The following COL23A1 variants were observed in gnomAD, a reference collection of about 807,000 sequenced individuals.
COL23A1 encodes the protein collagen alpha-1(XXIII) chain.
A neutral mutation model predicts 99.3 loss-of-function variants in COL23A1; 97 were observed. The observed-to-expected ratio is 0.98, with a 90% CI of 0.83 to 1.16. COL23A1 has a LOEUF of 1.16. COL23A1 is among the 50% of genes most tolerant of loss of function. The pLI is 0.00. For synonymous variants in COL23A1, 320 were observed against 308.2 expected, an observed-to-expected ratio of 1.04 and a Z score of -0.40; for missense variants, 762 against 757.4, an observed-to-expected ratio of 1.01 and a Z score of -0.07.
chr5:178,454,559 T>C (rs1235683808), intron 2 of COL23A1, among the ~76,000 whole-genome samples: 2 of 152,176 alleles, frequency 1.3e-5, no homozygotes, highest in African/African-American at 2.4e-5. Context: ...TGGGCCTCAG[T>C]TGCCTCGCCT....
At chr5:178,473,240 T>C (rs954108504) in intron 2 of COL23A1, among the ~76,000 whole-genome samples, 13 of 152,098 alleles carry the variant, frequency 8.5e-5, no homozygotes, top group Non-Finnish European at 1.8e-4. Context: ...TTATAAGTAA[T>C]CTAGAGACTT....
intron 1 of COL23A1, among the ~76,000 whole-genome samples, chr5:178,563,128 C>G (rs1183519964): frequency 2.6e-5 from 4 of 152,194 alleles, no homozygotes; most frequent in Non-Finnish European, 5.9e-5. Flanking sequence ...ATCATCACTG[C>G]ACTCCCCAGC....
At chr5:178,325,539 G>C (rs997076325) in intron 2 of COL23A1, among the ~76,000 whole-genome samples, 3 of 151,542 alleles carry the variant, frequency 2.0e-5, no homozygotes, top group Non-Finnish European at 4.4e-5. Flanking sequence ...TACCCAGCTA[G>C]GACATGGACT....
chr5:178,585,169 C>G (rs1763862989), intron 1 of COL23A1, among the ~76,000 whole-genome samples: 1 of 152,124 alleles, frequency 6.6e-6, no homozygotes, highest in Non-Finnish European at 1.5e-5. Flanking sequence ...TGGGAAACAC[C>G]AAAGCAGAAG....
chr5:178,302,885 A>C (rs185591275), intron 3 of COL23A1, among the ~76,000 whole-genome samples: 45 of 152,348 alleles, frequency 3.0e-4, no homozygotes, highest in Non-Finnish European at 6.3e-4. Context: ...GCTGCCAGAC[A>C]AGTCAAATAG....
chr5:178,484,008 G>A (rs578018012), intron 2 of COL23A1, among the ~76,000 whole-genome samples: 3 of 152,150 alleles, frequency 2.0e-5, no homozygotes, highest in African/African-American at 7.2e-5. Context: ...CATGATCTCG[G>A]CTCTCTGCAA....
intron 2 of COL23A1, chr5:178,351,919 T>A (rs1287611532): frequency 6.6e-6 from 1 of 152,154 alleles, no homozygotes; most frequent in African/African-American, 2.4e-5. Flanking sequence ...CTTTGCCAGG[T>A]AAGAAAACAG....
chr5:178,289,745 A>G (rs1757353738), intron 4 of COL23A1, among the ~76,000 whole-genome samples: 1 of 152,150 alleles, frequency 6.6e-6, no homozygotes, highest in South Asian at 2.1e-4. Flanking sequence ...CCGTGTACCA[A>G]GGTGAGCCCA....
At chr5:178,323,200 G>A (rs1212233141) in intron 2 of COL23A1, among the ~76,000 whole-genome samples, 2 of 152,158 alleles carry the variant, frequency 1.3e-5, no homozygotes, top group African/African-American at 4.8e-5. Flanking sequence ...ACCATGCCCT[G>A]TGGTCCTGGA....
At chr5:178,448,502 A>G (rs907374964) in intron 2 of COL23A1, among the ~76,000 whole-genome samples, 2 of 152,222 alleles carry the variant, frequency 1.3e-5, no homozygotes, top group Non-Finnish European at 2.9e-5. Context: ...AGGAACAGAA[A>G]TTTATTTGGC....
At chr5:178,517,577 T>TTTTTTTTTTTTTTTG (rs1759605005) in intron 2 of COL23A1, among the ~76,000 whole-genome samples, 1 of 144,584 alleles carries the variant, frequency 6.9e-6, no homozygotes, top group African/African-American at 2.6e-5. Context: ...TGTTTTTTTT[T>TTTTTTTTTTTTTTTG]TTGAGATGGA....
At chr5:178,295,160 C>T (rs1310854537) in intron 3 of COL23A1, among the ~76,000 whole-genome samples, 1 of 152,168 alleles carries the variant, frequency 6.6e-6, no homozygotes, top group Non-Finnish European at 1.5e-5. Flanking sequence ...ACCCCGGCCT[C>T]GGTGACAGAG....
intron 5 of COL23A1, among the ~76,000 whole-genome samples, chr5:178,282,687 C>T (rs1561822668): frequency 6.6e-6 from 1 of 152,176 alleles, no homozygotes; most frequent in South Asian, 2.1e-4. Flanking sequence ...CATGGTGAGA[C>T]GGCATGCATG....
chr5:178,294,100 C>T (rs1338394855), intron 3 of COL23A1, among the ~76,000 whole-genome samples: 3 of 152,062 alleles, frequency 2.0e-5, no homozygotes, highest in African/African-American at 7.3e-5. Flanking sequence ...CCCAGTCTCC[C>T]ATTCTGGGGC....
chr5:178,483,740 C>T (rs775918873), intron 2 of COL23A1, among the ~76,000 whole-genome samples: 26 of 152,308 alleles, frequency 1.7e-4, no homozygotes, highest in Admixed American at 3.3e-4. Flanking sequence ...TATTAGGTTA[C>T]GGGGCCCATC....
intron 25 of COL23A1, 33 bp from the exon 26 acceptor site, chr5:178,242,427 T>C (rs372178508): frequency 7.4e-5 from 119 of 1,611,102 alleles, no homozygotes; most frequent in Non-Finnish European, 9.8e-5. Flanking sequence ...AACCCGAAAA[T>C]GAGGCTGGAG....
chr5:178,559,360 C>T (rs906386152), intron 2 of COL23A1, among the ~76,000 whole-genome samples: 2 of 152,182 alleles, frequency 1.3e-5, no homozygotes, highest in African/African-American at 2.4e-5. Context: ...AGGGACACTG[C>T]GCAGCTCCTG....
At chr5:178,341,664 C>A (rs1411815430) in intron 2 of COL23A1, among the ~76,000 whole-genome samples, 1 of 150,916 alleles carries the variant, frequency 6.6e-6, no homozygotes, top group African/African-American at 2.5e-5. Context: ...GGCCTGCCCA[C>A]CTGCCCACAG....
chr5:178,327,668 G>C (rs758773863), intron 2 of COL23A1, among the ~76,000 whole-genome samples: 2 of 152,156 alleles, frequency 1.3e-5, no homozygotes, highest in African/African-American at 2.4e-5. Flanking sequence ...GCTGGAGTCT[G>C]AACACTGGCA....
Sources: gnomAD v4.1 joint callset for allele counts (sites outside exome capture counted in the v4.1 genomes callset) on GRCh38, gnomAD v4.1.1 for gene constraint, MANE v1.5 for transcripts, NCBI Gene and HGNC (gene_info 2026-07-23, HGNC 2026-07-21) for gene names.